Variants in DLG2 observed in about 807,000 individuals in gnomAD.
DLG2 encodes the protein discs large MAGUK scaffold protein 2, also known as disks large homolog 2.
Under a neutral mutation model 132.5 loss-of-function variants are expected in DLG2, and 45 were observed. That is an observed-to-expected ratio of 0.34 (90% confidence interval 0.27 to 0.44). DLG2 has a LOEUF of 0.44. Among genes scored for constraint, DLG2 ranks in the 20% least tolerant of loss-of-function variants. DLG2 has a pLI of 1.00. For synonymous variants in DLG2, 424 were observed against 419.6 expected (o/e 1.01, Z -0.13); for missense variants, 1,045 against 1,196.9 (o/e 0.87, Z 1.87).
At chr11:84,729,119 C>T (rs1340774084) in intron 6 of DLG2, among the ~76,000 whole-genome samples, 1 of 152,040 alleles carries the variant, frequency 6.6e-6, no homozygotes, top group Non-Finnish European at 1.5e-5. Context: ...TATTTCTTGT[C>T]TTCTGCTAGA....
intron 3 of DLG2, among the ~76,000 whole-genome samples, chr11:85,395,362 C>T (rs1483194523): frequency 1.3e-5 from 2 of 152,082 alleles, no homozygotes; most frequent in African/African-American, 4.8e-5. Flanking sequence ...GTGGTTTCTG[C>T]ATTTCCAAAT....
At chr11:84,681,954 G>T (rs1262353974) in intron 6 of DLG2, among the ~76,000 whole-genome samples, 2 of 152,080 alleles carry the variant, frequency 1.3e-5, no homozygotes, top group Non-Finnish European at 2.9e-5. Flanking sequence ...TGTACTCATA[G>T]CAGAAGATGA....
At chr11:84,946,949 T>C (rs1215443742) in intron 6 of DLG2, among the ~76,000 whole-genome samples, 1 of 152,182 alleles carries the variant, frequency 6.6e-6, no homozygotes, top group Admixed American at 6.5e-5. Context: ...TCCTTATATG[T>C]GTGCCAGCCA....
intron 6 of DLG2, among the ~76,000 whole-genome samples, chr11:84,954,703 C>G (rs1248449108): frequency 6.6e-6 from 1 of 152,140 alleles, no homozygotes; most frequent in Non-Finnish European, 1.5e-5. Flanking sequence ...TACTCATTTT[C>G]TCAGGTATTG....
chr11:85,519,799 G>A (rs1308918086), intron 3 of DLG2, among the ~76,000 whole-genome samples: 1 of 152,040 alleles, frequency 6.6e-6, no homozygotes, highest in Non-Finnish European at 1.5e-5. Context: ...ATGGGGTCAG[G>A]TCTTTCTGTG....
chr11:83,914,856 G>A (rs1278392127), intron 15 of DLG2, among the ~76,000 whole-genome samples: 2 of 152,146 alleles, frequency 1.3e-5, no homozygotes, highest in Non-Finnish European at 2.9e-5. Flanking sequence ...CTGGAGCCAA[G>A]ATCTAATTGT....
chr11:85,447,336 A>G (rs1437172289), intron 3 of DLG2, among the ~76,000 whole-genome samples: 1 of 152,192 alleles, frequency 6.6e-6, no homozygotes, highest in Admixed American at 6.5e-5. Flanking sequence ...AACTCCCAGT[A>G]CTTCAGAATG....
intron 3 of DLG2, among the ~76,000 whole-genome samples, chr11:85,383,221 A>G (rs1320726116): frequency 6.6e-6 from 1 of 152,202 alleles, no homozygotes; most frequent in Non-Finnish European, 1.5e-5. Context: ...GAAGCCAGTC[A>G]TAAAAGGCTA....
At chr11:83,854,857 C>A (rs538146038) in intron 16 of DLG2, among the ~76,000 whole-genome samples, 1 of 151,214 alleles carries the variant, frequency 6.6e-6, no homozygotes, top group East Asian at 1.9e-4. Context: ...AAGACAACGT[C>A]AAGAGAATGA....
chr11:85,166,910 T>C lies in DLG2; in HGVS notation c.187-12259A>G, dbSNP rs557950610. On this transcript the variant is annotated intron_variant, in intron 4 of 27. Transcript: ENST00000376104. ...CTTTTATATACATATCCGAAAAGTT[T>C]CCTATATAAAAGAATATTATAATAA... Among the ~76,000 whole-genome samples the C allele has an allele frequency of 1.4e-4, 21 of 152,284 alleles. 1 individual carries two copies. In the South Asian group the frequency reaches 4.4e-3, roughly 32 times the overall value.
At chr11:84,238,042 T>TAAAAC (rs2097180656) in intron 8 of DLG2, among the ~76,000 whole-genome samples, 1 of 73,110 alleles carries the variant, frequency 1.4e-5, no homozygotes, top group Admixed American at 1.7e-4. Flanking sequence ...AGACTCTGCC[T>TAAAAC]AAAAAAAAAA....
intron 6 of DLG2, among the ~76,000 whole-genome samples, chr11:84,551,746 T>A (rs938357058): frequency 6.6e-6 from 1 of 152,190 alleles, no homozygotes; most frequent in African/African-American, 2.4e-5. Flanking sequence ...GACTCAGATG[T>A]TTCTTCTGAG....
intron 17 of DLG2, among the ~76,000 whole-genome samples, chr11:83,828,815 C>T (rs968640096): frequency 1.2e-4 from 18 of 152,052 alleles, no homozygotes; most frequent in African/African-American, 4.1e-4. Flanking sequence ...CTATGACATG[C>T]TGTATTTTAA....
At chr11:83,941,966 C>T (rs889040413) in intron 14 of DLG2, among the ~76,000 whole-genome samples, 3 of 152,154 alleles carry the variant, frequency 2.0e-5, no homozygotes, top group Non-Finnish European at 4.4e-5. Flanking sequence ...AAACACTCTC[C>T]ACACACTGGT....
At chr11:84,537,287 A>G (rs1376824406) in intron 6 of DLG2, among the ~76,000 whole-genome samples, 2 of 151,712 alleles carry the variant, frequency 1.3e-5, no homozygotes, top group African/African-American at 2.4e-5. Context: ...TTTTATTTTT[A>G]GTAGAGCCGG....
chr11:84,700,041 T>A (rs1466607140), intron 6 of DLG2, among the ~76,000 whole-genome samples: 19 of 151,656 alleles, frequency 1.3e-4, no homozygotes, highest in Non-Finnish European at 3.0e-5. Context: ...AGATATATGC[T>A]TTGTTAAACA....
At chr11:84,529,218 C>A (rs577535444) in intron 7 of DLG2, among the ~76,000 whole-genome samples, 9 of 152,128 alleles carry the variant, frequency 5.9e-5, no homozygotes, top group Non-Finnish European at 1.3e-4. Flanking sequence ...GAAGCATTCC[C>A]CTTGAAAACC....
intron 6 of DLG2, among the ~76,000 whole-genome samples, chr11:84,712,167 G>T (rs768470537): frequency 1.3e-5 from 2 of 152,124 alleles, no homozygotes; most frequent in East Asian, 1.9e-4. Context: ...AAGGCAAAAG[G>T]CTTCTTAAAG....
At chr11:84,455,576 TA>T (rs1567682225) in intron 7 of DLG2, among the ~76,000 whole-genome samples, 1 of 151,002 alleles carries the variant, frequency 6.6e-6, no homozygotes. Flanking sequence ...AATGCATTTT[TA>T]AAAAAAGTTA....
Sources: allele counts gnomAD v4.1 joint callset (sites outside exome capture counted in the v4.1 genomes callset), GRCh38; gene constraint gnomAD v4.1.1; transcripts MANE v1.5; gene names NCBI Gene and HGNC (gene_info 2026-07-23, HGNC 2026-07-21).